NADSYN1: variants seen among roughly 807,000 people sequenced by gnomAD.
The protein encoded by NADSYN1 is NAD synthetase 1, also known as glutamine-dependent NAD(+) synthetase.
NADSYN1 carries 80 observed loss-of-function variants against 99.3 expected under a neutral mutation model. The observed-to-expected ratio is 0.81, with a 90% CI of 0.67 to 0.97. NADSYN1 has a LOEUF of 0.97. Among genes scored for constraint, NADSYN1 ranks in the 50% least tolerant of loss-of-function variants. The pLI is 0.00. For synonymous variants in NADSYN1, 385 were observed against 372.1 expected, an observed-to-expected ratio of 1.03 and a Z score of -0.40; for missense variants, 859 against 948.5, an observed-to-expected ratio of 0.91 and a Z score of 1.24.
intron 18 of NADSYN1, among the ~76,000 whole-genome samples, chr11:71,492,758 T>C (rs920123130): frequency 6.6e-6 from 1 of 152,208 alleles, no homozygotes; most frequent in African/African-American, 2.4e-5. Context: ...GCTTTTGCGT[T>C]TTGACGGGGA....
chr11:71,463,920 G>C, intron 4 of NADSYN1, 133 bp from the exon 5 acceptor site: 1 of 661,336 alleles, frequency 1.5e-6, no homozygotes, highest in Non-Finnish European at 2.6e-6. Context: ...GAGAAGGAGA[G>C]AGATTTGCTC....
At chr11:71,491,610 TCTC>T (rs1949779643) in intron 17 of NADSYN1, among the ~76,000 whole-genome samples, 2 of 152,190 alleles carry the variant, frequency 1.3e-5, no homozygotes, top group South Asian at 2.1e-4. Context: ...CATCTCTGCC[TCTC>T]CTCCTGGGGT....
chr11:71,484,755 G>C (rs1949731127), intron 15 of NADSYN1: 1 of 352,984 alleles, frequency 2.8e-6, no homozygotes, highest in South Asian at 3.5e-5. Context: ...GAGTGCAAGA[G>C]CAAGAGGGTG....
intron 12 of NADSYN1, 120 bp from the exon 13 acceptor site, chr11:71,481,803 C>CTAA: frequency 1.3e-6 from 1 of 787,984 alleles, no homozygotes; most frequent in South Asian, 1.7e-5. Flanking sequence ...ATGGAAAGTG[C>CTAA]TAACACCCAC....
At chr11:71,467,510 C>T (rs1488609964) in intron 5 of NADSYN1, among the ~76,000 whole-genome samples, 2 of 152,138 alleles carry the variant, frequency 1.3e-5, no homozygotes, top group African/African-American at 4.8e-5. Context: ...GTTCCTAATA[C>T]ACTGAAGTAA....
intron 9 of NADSYN1, chr11:71,476,289 C>G (rs1295798035): frequency 5.6e-6 from 2 of 356,448 alleles, no homozygotes; most frequent in African/African-American, 4.3e-5. Flanking sequence ...CCGAGGCAGG[C>G]GGTAGCACCG....
At chr11:71,470,911 C>T (rs1404354306) in intron 5 of NADSYN1, among the ~76,000 whole-genome samples, 2 of 152,080 alleles carry the variant, frequency 1.3e-5, no homozygotes, top group Non-Finnish European at 2.9e-5. Flanking sequence ...TTTTTTCTGG[C>T]AGTTTCATTC....
At chr11:71,458,612 C>A in intron 3 of NADSYN1, 68 bp downstream of exon 3, 1 of 1,073,964 alleles carries the variant, frequency 9.3e-7, no homozygotes, top group Non-Finnish European at 1.4e-6. Flanking sequence ...ATGACCCACC[C>A]AACCGGCCTC....
Position 71,497,501 on chromosome 11 carries a change from T to C in NADSYN1, c.1783T>C (p.Tyr595His). ...TGCACAGGAAGATATGGGGATGACATATGCGGAGCTCTCGGTCTATGGGAA... is the reference window on the plus strand; with the variant it reads ...TGCACAGGAAGATATGGGGATGACACATGCGGAGCTCTCGGTCTATGGGAA... The part of the protein sequence containing the change: ...QTDEEDMGMT[Y>H]AELSVYGKLR... The change falls in exon 19 of 21, where the codon TAT becomes CAT. Residue 595 changes from tyrosine (Y) to histidine (H), a missense_variant. Coordinates refer to ENST00000319023, the MANE Select transcript of NADSYN1 (RefSeq NM_018161.5). 2 of 1,614,116 alleles carry C rather than the reference T, an allele frequency of 1.2e-6. No homozygotes were observed. The highest frequency in any genetic ancestry group is 1.1e-5 in the South Asian group (1 of 91,074).
At chr11:71,490,737 C>T in intron 16 of NADSYN1, 108 bp from the exon 17 acceptor site, 1 of 1,483,770 alleles carries the variant, frequency 6.7e-7, no homozygotes, top group Admixed American at 2.0e-5. Context: ...TTGAATATGC[C>T]ACACTTCTGG....
intron 1 of NADSYN1, among the ~76,000 whole-genome samples, chr11:71,453,608 G>A (rs2120379004): frequency 6.6e-6 from 1 of 152,362 alleles, no homozygotes; most frequent in South Asian, 2.1e-4. Context: ...ACAAGGCACG[G>A]TTAAGAAAAG....
intron 3 of NADSYN1, among the ~76,000 whole-genome samples, chr11:71,462,374 A>C (rs779905707): frequency 2.0e-5 from 3 of 152,168 alleles, no homozygotes; most frequent in Non-Finnish European, 4.4e-5. Context: ...TAACTCTTTC[A>C]ACCAATTGCC....
intron 5 of NADSYN1, chr11:71,464,501 G>A (rs567608284): frequency 5.4e-6 from 1 of 185,576 alleles, no homozygotes; most frequent in African/African-American, 2.3e-5. Flanking sequence ...TTTACTTGGT[G>A]TACACACTAT....
chr11:71,501,455 T>A lies in NADSYN1; in HGVS notation c.*103T>A. Reference sequence around the variant, plus strand: ...GGAGCCCTACACTAGGAGCCCAGGATGGGACGGCGCATCAGCCGAGAGGGA... The same window carrying A: ...GGAGCCCTACACTAGGAGCCCAGGAAGGGACGGCGCATCAGCCGAGAGGGA... On this transcript the variant is annotated 3_prime_UTR_variant, in exon 21 of 21. Coordinates refer to ENST00000319023, the MANE Select transcript of NADSYN1 (RefSeq NM_018161.5). 3 of 1,132,400 alleles carry A rather than the reference T, an allele frequency of 2.6e-6. No individual in the cohort carries two copies. The highest frequency in any genetic ancestry group is 3.8e-6 in the Non-Finnish European group (3 of 789,926). 70.1% of individuals were successfully genotyped at this position (1,132,400 alleles called of 1,614,324 possible). A position where few individuals can be genotyped will look rare whatever the true frequency, so the allele number is the denominator to read the frequency against.
intron 9 of NADSYN1, chr11:71,476,752 G>A (rs1017325191): frequency 4.2e-5 from 41 of 985,724 alleles, no homozygotes; most frequent in Admixed American, 1.2e-4. Flanking sequence ...ATTGGTGGTC[G>A]TGTTGATTGG....
intron 12 of NADSYN1, 67 bp downstream of exon 12, chr11:71,481,471 G>T: frequency 2.0e-6 from 3 of 1,491,522 alleles, no homozygotes; most frequent in Non-Finnish European, 2.8e-6. Flanking sequence ...TTTATTCTGG[G>T]GCAGGGTAGG....
intron 12 of NADSYN1, 74 bp from the exon 13 acceptor site, chr11:71,481,849 G>A: frequency 2.2e-6 from 3 of 1,372,562 alleles, no homozygotes; most frequent in South Asian, 2.5e-5. Context: ...AGGTCTATGG[G>A]TGGAGCTTGG....
intron 6 of NADSYN1, 53 bp downstream of exon 6, chr11:71,472,553 C>A: frequency 6.6e-7 from 1 of 1,511,214 alleles, no homozygotes; most frequent in Non-Finnish European, 9.2e-7. Context: ...CTGTTCTCGG[C>A]CAACAGTGGA....
At position 71,458,439 on chromosome 11, in the gene NADSYN1, G is replaced by T. The variant is rs763960223; in HGVS notation, c.158G>T (p.Cys53Phe). 2 of 1,613,796 alleles carry T rather than the reference G, an allele frequency of 1.2e-6. No homozygotes were observed. Among genetic ancestry groups the T allele is most frequent in the Non-Finnish European group, 1.7e-6 (2 of 1,179,696 alleles). The change falls in exon 3 of 21, where the codon TGT becomes TTT. Residue 53 changes from cysteine to phenylalanine, a missense_variant. Coordinates refer to ENST00000319023, the MANE Select transcript of NADSYN1 (RefSeq NM_018161.5). ...CACTGTCTCTGCAGCGGCTACGGAT[G>T]TTGGGATCATTATTACGAGTCGGAC... ...GPELEICGYG[C>F]WDHYYESDTL...
Sources: allele counts gnomAD v4.1 joint callset (sites outside exome capture counted in the v4.1 genomes callset), GRCh38; gene constraint gnomAD v4.1.1; transcripts MANE v1.5; gene names NCBI Gene and HGNC (gene_info 2026-07-23, HGNC 2026-07-21).